The following TRIM49C variants were observed in gnomAD, a reference collection of about 807,000 sequenced individuals.
TRIM49C encodes tripartite motif-containing protein 49C.
TRIM49C carries 6 observed loss-of-function variants against 21.4 expected under a neutral mutation model. The ratio of observed to expected loss-of-function variants is 0.28; its 90% CI spans 0.15 to 0.55. The LOEUF (loss-of-function observed/expected upper bound fraction) is 0.55, where lower values mean the gene tolerates loss of function less well. Among genes scored for constraint, TRIM49C ranks in the 20% least tolerant of loss-of-function variants. The pLI is 0.94. For synonymous variants in TRIM49C, 57 were observed against 148.1 expected, an observed-to-expected ratio of 0.38 and a Z score of 4.47; for missense variants, 161 against 442.4, an observed-to-expected ratio of 0.36 and a Z score of 5.71.
chr11:90,069,551 G>A, the TRIM49C span, among the ~76,000 whole-genome samples: 5 of 132,136 alleles, frequency 3.8e-5, 1 homozygote, highest in Non-Finnish European at 6.3e-5. Flanking sequence ...TTTAGGAAGC[G>A]ATAACTACAT....
At chr11:90,056,960 T>A in the TRIM49C span, among the ~76,000 whole-genome samples, 1 of 149,362 alleles carries the variant, frequency 6.7e-6, no homozygotes, top group East Asian at 1.9e-4. Context: ...TTGGTCAGAC[T>A]TAGAAAGAAA....
At chr11:90,036,799 G>T (rs1346178807) in intron 4 of TRIM49C, among the ~76,000 whole-genome samples, 3 of 138,804 alleles carry the variant, frequency 2.2e-5, no homozygotes, top group African/African-American at 7.7e-5. Context: ...GAGTCAAATG[G>T]TCAATACACA....
At chr11:90,033,067 AAC>A (rs1950698397) in intron 2 of TRIM49C, among the ~76,000 whole-genome samples, 1 of 134,366 alleles carries the variant, frequency 7.4e-6, no homozygotes, top group South Asian at 2.6e-4. Flanking sequence ...TAGAAATCAA[AAC>A]ACAATTTTTC....
intron 4 of TRIM49C, among the ~76,000 whole-genome samples, chr11:90,037,054 T>G (rs1950733137): frequency 1.3e-5 from 1 of 75,856 alleles, no homozygotes; most frequent in Admixed American, 2.2e-4. Context: ...TATGTATGTG[T>G]GTGTGGTTGT....
the TRIM49C span, among the ~76,000 whole-genome samples, chr11:90,054,430 T>TTATC: frequency 7.3e-6 from 1 of 137,628 alleles, no homozygotes; most frequent in Non-Finnish European, 1.6e-5. Context: ...ATTTATTTAC[T>TTATC]TATTTATTCA....
chr11:90,052,151 G>T, the TRIM49C span: 153 of 402,412 alleles, frequency 3.8e-4, 11 homozygotes, highest in African/African-American at 2.8e-3. Context: ...GACCCCGGCA[G>T]CGGGGCAGGT....
the TRIM49C span, among the ~76,000 whole-genome samples, chr11:90,048,333 A>G: frequency 8.3e-6 from 1 of 119,988 alleles, no homozygotes; most frequent in Non-Finnish European, 1.7e-5. Context: ...TAGGTTGGGG[A>G]TGTTCTCCTG....
the TRIM49C span, chr11:90,071,790 C>T: frequency 8.5e-5 from 94 of 1,109,186 alleles, 5 homozygotes; most frequent in Middle Eastern, 3.0e-4. Context: ...CAACCACTTC[C>T]GAGGTGAGTG....
At chr11:90,049,007 C>G in the TRIM49C span, among the ~76,000 whole-genome samples, 1 of 127,352 alleles carries the variant, frequency 7.9e-6, no homozygotes, top group East Asian at 2.5e-4. Context: ...AGCTGCAGGT[C>G]TGGTGGAGTT....
chr11:90,037,156 G>A (rs1251675756), intron 4 of TRIM49C, among the ~76,000 whole-genome samples: 3 of 135,860 alleles, frequency 2.2e-5, no homozygotes, highest in African/African-American at 7.8e-5. Context: ...AGCATATGCA[G>A]TAATTTTGAG....
the TRIM49C span, among the ~76,000 whole-genome samples, chr11:90,069,206 G>A: frequency 2.3e-5 from 3 of 129,498 alleles, no homozygotes; most frequent in East Asian, 2.3e-4. Flanking sequence ...CCGGGTTCAC[G>A]CCATTCTCCT....
chr11:90,070,884 C>T, the TRIM49C span, among the ~76,000 whole-genome samples: 32 of 141,026 alleles, frequency 2.3e-4, 4 homozygotes, highest in East Asian at 6.8e-3. Context: ...ACTTCTGCCT[C>T]CTTAGTTCAA....
chr11:90,053,779 C>T, the TRIM49C span: 2 of 141,080 alleles, frequency 1.4e-5, no homozygotes, highest in Non-Finnish European at 3.1e-5. Flanking sequence ...CCGGGAAAGC[C>T]TAGTGCCCGC....
downstream of TRIM49C, among the ~76,000 whole-genome samples, chr11:90,042,573 A>T (rs1950778117): frequency 8.2e-6 from 1 of 121,624 alleles, no homozygotes. Context: ...AAAAGTAAGA[A>T]TTAATCCACC....
At chr11:90,070,266 A>G in the TRIM49C span, among the ~76,000 whole-genome samples, 2 of 105,360 alleles carry the variant, frequency 1.9e-5, 1 homozygote, top group Middle Eastern at 7.8e-3. Context: ...AGACAAAGGA[A>G]TGGTGGCCTT....
At chr11:90,049,013 G>A in the TRIM49C span, among the ~76,000 whole-genome samples, 2 of 127,494 alleles carry the variant, frequency 1.6e-5, 1 homozygote, top group African/African-American at 6.3e-5. Context: ...AGGTCTGGTG[G>A]AGTTTGCTGG....
At chr11:90,067,334 A>G in the TRIM49C span, among the ~76,000 whole-genome samples, 2 of 140,212 alleles carry the variant, frequency 1.4e-5, no homozygotes, top group Non-Finnish European at 3.1e-5. Context: ...TCAACATGGA[A>G]GCAAACTTCT....
chr11:90,048,880 TC>T, the TRIM49C span, among the ~76,000 whole-genome samples: 2 of 124,958 alleles, frequency 1.6e-5, no homozygotes, highest in Non-Finnish European at 1.6e-5. Flanking sequence ...CTCTGTTTTT[TC>T]CCCATCTTTG....
the TRIM49C span, chr11:90,050,286 C>T: frequency 2.3e-5 from 1 of 43,760 alleles, no homozygotes; most frequent in African/African-American, 1.0e-4. Context: ...TGGCTGGGTC[C>T]TCAGCTGACA....
Sources: allele counts gnomAD v4.1 joint callset (sites outside exome capture counted in the v4.1 genomes callset), GRCh38; gene constraint gnomAD v4.1.1; transcripts MANE v1.5; gene names NCBI Gene and HGNC (gene_info 2026-07-23, HGNC 2026-07-21).